The following TASP1 variants were observed in gnomAD, a reference collection of about 807,000 sequenced individuals.
The protein encoded by TASP1 is taspase 1.
TASP1 carries 16 observed loss-of-function variants against 56.6 expected under a neutral mutation model. The ratio of observed to expected loss-of-function variants is 0.28; its 90% CI spans 0.19 to 0.43. The LOEUF (loss-of-function observed/expected upper bound fraction) is 0.43. TASP1 is among the 20% of genes least tolerant of loss of function. The probability of loss-of-function intolerance (pLI) is 1.00; values close to 1 mark genes in which losing one functional copy is unlikely to be tolerated. For synonymous variants in TASP1, 179 were observed against 184.2 expected (o/e 0.97, Z 0.23); for missense variants, 393 against 511.6 (o/e 0.77, Z 2.24).
At chr20:13,543,600 C>T (rs761238725) in intron 8 of TASP1, among the ~76,000 whole-genome samples, 10 of 152,090 alleles carry the variant, frequency 6.6e-5, no homozygotes, top group Non-Finnish European at 1.3e-4. Flanking sequence ...GACTCCATCT[C>T]AAAAACAAAG....
intron 13 of TASP1, among the ~76,000 whole-genome samples, chr20:13,407,235 C>T (rs549818400): frequency 2.0e-5 from 3 of 152,314 alleles, no homozygotes; most frequent in African/African-American, 7.2e-5. Flanking sequence ...CCCATTAGCA[C>T]TCACTCCCCA....
At chr20:13,392,107 T>C (rs1014136219) in intron 13 of TASP1, among the ~76,000 whole-genome samples, 3 of 152,014 alleles carry the variant, frequency 2.0e-5, no homozygotes, top group African/African-American at 7.2e-5. Context: ...GTCCAAGGAC[T>C]GTGTAGACTC....
chr20:13,203,746 A>G, the TASP1 span, among the ~76,000 whole-genome samples: 2 of 152,228 alleles, frequency 1.3e-5, no homozygotes, highest in Non-Finnish European at 2.9e-5. Context: ...AAACTAGTTT[A>G]TATGCCTATA....
At chr20:13,305,122 T>C in the TASP1 span, among the ~76,000 whole-genome samples, 1 of 149,620 alleles carries the variant, frequency 6.7e-6, no homozygotes, top group Non-Finnish European at 1.5e-5. Context: ...CTATGGGTGA[T>C]AAATCTACCA....
intron 4 of TASP1, among the ~76,000 whole-genome samples, chr20:13,619,145 A>G (rs6042254): frequency 0.61 from 92,564 of 151,914 alleles, 30,290 homozygotes; most frequent in African/African-American, 0.86. Context: ...AGATCCGTCC[A>G]CTTCGGCCTC....
chr20:13,545,285 C>T lies in TASP1; in HGVS notation c.676-11144G>A, dbSNP rs189334168. 1.5e-4 allele frequency among the ~76,000 whole-genome samples: 23 copies of T among 152,130 alleles called. No individual in the cohort carries two copies. In the East Asian group the frequency reaches 3.7e-3, roughly 24 times the overall value. ...GTATATTCTAGGATATAAAATATAA[C>T]CTAAATTATGATAGTGCCATATCCT... On this transcript the variant is annotated intron_variant, in intron 8 of 13. Transcript: ENST00000337743.
chr20:13,183,638 A>G, the TASP1 span, among the ~76,000 whole-genome samples: 3 of 152,322 alleles, frequency 2.0e-5, no homozygotes, highest in African/African-American at 7.2e-5. Context: ...AATTCTCTCC[A>G]AATTATAAAC....
At chr20:13,326,493 TACTC>T in the TASP1 span, among the ~76,000 whole-genome samples, 2 of 151,982 alleles carry the variant, frequency 1.3e-5, no homozygotes, top group Non-Finnish European at 2.9e-5. Context: ...TACATACACA[TACTC>T]AGTTGCTACA....
At chr20:13,105,984 TTTA>T in the TASP1 span, among the ~76,000 whole-genome samples, 2 of 152,158 alleles carry the variant, frequency 1.3e-5, no homozygotes, top group Non-Finnish European at 2.9e-5. Flanking sequence ...TAGGTGAAAG[TTTA>T]TTAACTGAAA....
chr20:13,432,942 C>T (rs957772673), intron 12 of TASP1, among the ~76,000 whole-genome samples: 2 of 152,004 alleles, frequency 1.3e-5, no homozygotes, highest in South Asian at 4.2e-4. Context: ...CCACCGCTGC[C>T]CAAACACTAG....
chr20:13,210,518 A>G, the TASP1 span, among the ~76,000 whole-genome samples: 1 of 152,102 alleles, frequency 6.6e-6, no homozygotes, highest in Non-Finnish European at 1.5e-5. Context: ...GGTTTCAGTT[A>G]TATCCCCAAA....
the TASP1 span, among the ~76,000 whole-genome samples, chr20:13,256,395 CAAAAAA>C: frequency 1.4e-5 from 1 of 71,802 alleles, no homozygotes; most frequent in Non-Finnish European, 2.8e-5. Flanking sequence ...GACCCCGTCT[CAAAAAA>C]AAAAAAAAAA....
At chr20:13,473,503 A>T (rs183647240) in intron 11 of TASP1, among the ~76,000 whole-genome samples, 10 of 152,246 alleles carry the variant, frequency 6.6e-5, no homozygotes, top group African/African-American at 1.2e-4. Flanking sequence ...AATATATCTT[A>T]AAAAAACTCT....
chr20:13,616,832 G>A (rs778970242), intron 4 of TASP1: 1 of 301,100 alleles, frequency 3.3e-6, no homozygotes, highest in Non-Finnish European at 6.6e-6. Context: ...ACTCAAAAAA[G>A]TGTTTTAAAA....
At chr20:13,337,962 A>G in the TASP1 span, among the ~76,000 whole-genome samples, 1 of 152,204 alleles carries the variant, frequency 6.6e-6, no homozygotes, top group Admixed American at 6.5e-5. Flanking sequence ...ACGTTACCAG[A>G]AAAGGGTCCT....
rs1233366295 is a variant in TASP1, at chr20:13,538,033, G to A, written c.676-3892C>T. Among the ~76,000 whole-genome samples, 43 of 139,998 alleles carry A rather than the reference G, an allele frequency of 3.1e-4. 1 individual carries two copies. The South Asian group carries it at 5.5e-3, about 18-fold the overall frequency. 91.8% of individuals were successfully genotyped at this position (139,998 alleles called of 152,430 possible). A position where few individuals can be genotyped will look rare whatever the true frequency, so the allele number is the denominator to read the frequency against. ...TTTTTTTTTTTTGAGACAGAATTTCGCTCTTGTTGCCCAGGCTGGAGTGCA... is the reference window on the plus strand; with the variant it reads ...TTTTTTTTTTTTGAGACAGAATTTCACTCTTGTTGCCCAGGCTGGAGTGCA... On this transcript the variant is annotated intron_variant, in intron 8 of 13. Coordinates refer to ENST00000337743, the MANE Select transcript of TASP1 (RefSeq NM_017714.3).
chr20:13,312,371 T>A, the TASP1 span, among the ~76,000 whole-genome samples: 1 of 152,138 alleles, frequency 6.6e-6, no homozygotes, highest in Non-Finnish European at 1.5e-5. Flanking sequence ...ACATCCTTAC[T>A]CACTCACTCA....
chr20:13,152,210 A>G, the TASP1 span, among the ~76,000 whole-genome samples: 1 of 152,310 alleles, frequency 6.6e-6, no homozygotes, highest in South Asian at 2.1e-4. Context: ...TGCGTATAAC[A>G]TAGGATTACA....
At chr20:13,288,895 C>G in the TASP1 span, among the ~76,000 whole-genome samples, 2 of 152,146 alleles carry the variant, frequency 1.3e-5, no homozygotes, top group Non-Finnish European at 2.9e-5. Context: ...AGCAATTCTC[C>G]TGCCTCAGCC....
Sources: gnomAD v4.1 joint callset for allele counts (sites outside exome capture counted in the v4.1 genomes callset) on GRCh38, gnomAD v4.1.1 for gene constraint, MANE v1.5 for transcripts, NCBI Gene and HGNC (gene_info 2026-07-23, HGNC 2026-07-21) for gene names.